Variants in HYDIN observed in about 807,000 individuals in gnomAD.
HYDIN encodes HYDIN axonemal central pair apparatus protein.
Under a neutral mutation model 403.9 loss-of-function variants are expected in HYDIN, and 132 were observed. The ratio of observed to expected loss-of-function variants is 0.33; its 90% CI spans 0.28 to 0.38. The LOEUF (loss-of-function observed/expected upper bound fraction) is 0.38. Among genes scored for constraint, HYDIN ranks in the 10% least tolerant of loss-of-function variants. The pLI is 1.00. For missense variants in HYDIN, 2,827 were observed against 5,009.5 expected (o/e 0.56, Z 13.15); for synonymous variants, 1,202 against 1,891.7 (o/e 0.64, Z 9.46).
intron 47 of HYDIN, among the ~76,000 whole-genome samples, chr16:70,909,688 C>CTTTTTT: frequency 1.5e-5 from 1 of 64,776 alleles, no homozygotes; most frequent in Non-Finnish European, 2.9e-5. Context: ...TCAGGCATGT[C>CTTTTTT]TTTTTTTTTT....
chr16:71,112,751 G>A (rs1355364004), intron 10 of HYDIN, among the ~76,000 whole-genome samples: 1 of 152,004 alleles, frequency 6.6e-6, no homozygotes, highest in Non-Finnish European at 1.5e-5. Flanking sequence ...TAATGATTAT[G>A]TAAAAATGGA....
intron 1 of HYDIN, among the ~76,000 whole-genome samples, chr16:71,194,215 A>C (rs985974257): frequency 7.2e-5 from 11 of 152,166 alleles, no homozygotes; most frequent in Non-Finnish European, 1.3e-4. Context: ...GATCGAGACC[A>C]TTGTGGCAAA....
At chr16:71,134,656 G>A (rs1425523170) in intron 8 of HYDIN, among the ~76,000 whole-genome samples, 1 of 152,106 alleles carries the variant, frequency 6.6e-6, no homozygotes, top group Non-Finnish European at 1.5e-5. Flanking sequence ...CTCACAGAAA[G>A]AGCACCACTG....
intron 12 of HYDIN, among the ~76,000 whole-genome samples, chr16:71,082,904 T>C (rs61059314): frequency 6.6e-6 from 1 of 151,066 alleles, no homozygotes; most frequent in Non-Finnish European, 1.5e-5. Flanking sequence ...CAAATCAATG[T>C]TTTTTGTATA....
chr16:71,028,630 T>G (rs1164990663), intron 19 of HYDIN, among the ~76,000 whole-genome samples: 1 of 151,944 alleles, frequency 6.6e-6, no homozygotes, highest in Admixed American at 6.6e-5. Context: ...ATCTCGGGAC[T>G]GTTTTTTATT....
chr16:71,191,707 C>A (rs756854030), intron 1 of HYDIN, among the ~76,000 whole-genome samples: 14 of 152,088 alleles, frequency 9.2e-5, no homozygotes, highest in Non-Finnish European at 1.5e-4. Flanking sequence ...TCTCTTCCTG[C>A]CATTCTAGAG....
At chr16:70,990,895 C>A (rs2079328794) in intron 25 of HYDIN, among the ~76,000 whole-genome samples, 1 of 152,240 alleles carries the variant, frequency 6.6e-6, no homozygotes, top group African/African-American at 2.4e-5. Context: ...GATTGCATCA[C>A]ATCATGGACA....
intron 10 of HYDIN, among the ~76,000 whole-genome samples, chr16:71,094,260 C>T (rs2083204976): frequency 1.3e-5 from 2 of 151,304 alleles, no homozygotes; most frequent in South Asian, 2.1e-4. Context: ...AAAAACACAA[C>T]AGAACACTTC....
At chr16:70,888,118 T>C (rs1225548817) in intron 58 of HYDIN, among the ~76,000 whole-genome samples, 1 of 152,280 alleles carries the variant, frequency 6.6e-6, no homozygotes, top group Non-Finnish European at 1.5e-5. Context: ...TGCTGAGACA[T>C]ACTATTTTAA....
At chr16:71,188,491 G>C (rs2087263879) in intron 1 of HYDIN, among the ~76,000 whole-genome samples, 1 of 152,138 alleles carries the variant, frequency 6.6e-6, no homozygotes, top group Admixed American at 6.6e-5. Flanking sequence ...TTGATTTTAA[G>C]ACAGATTTTT....
chr16:71,198,850 G>A (rs2087840240), intron 1 of HYDIN, among the ~76,000 whole-genome samples: 1 of 152,154 alleles, frequency 6.6e-6, no homozygotes, highest in African/African-American at 2.4e-5. Context: ...TTGGTAATCG[G>A]TGCACAGTGA....
intron 1 of HYDIN, among the ~76,000 whole-genome samples, chr16:71,201,382 C>T (rs962251580): frequency 6.6e-6 from 1 of 152,092 alleles, no homozygotes; most frequent in Non-Finnish European, 1.5e-5. Flanking sequence ...AGAATAATTT[C>T]GCAGATATTT....
intron 1 of HYDIN, among the ~76,000 whole-genome samples, chr16:71,191,326 T>C (rs1277534424): frequency 1.3e-5 from 2 of 152,172 alleles, no homozygotes; most frequent in Non-Finnish European, 2.9e-5. Flanking sequence ...TAAAAGTTAT[T>C]ATCTGATATT....
At chr16:70,826,691 T>A (rs1477453479) in intron 83 of HYDIN, among the ~76,000 whole-genome samples, 1 of 143,256 alleles carries the variant, frequency 7.0e-6, no homozygotes, top group Non-Finnish European at 1.5e-5. Flanking sequence ...CACTGCTGGA[T>A]GCGTCTTGCC....
intron 39 of HYDIN, among the ~76,000 whole-genome samples, chr16:70,956,205 T>G (rs2078230103): frequency 6.6e-6 from 1 of 151,884 alleles, no homozygotes; most frequent in Non-Finnish European, 1.5e-5. Context: ...AACTTTTTAT[T>G]TTAAAGAATA....
At chr16:71,124,487 AG>A (rs2084375165) in intron 9 of HYDIN, among the ~76,000 whole-genome samples, 1 of 151,698 alleles carries the variant, frequency 6.6e-6, no homozygotes, top group Non-Finnish European at 1.5e-5. Context: ...CCTCTGAAAC[AG>A]GAACAATGCT....
rs564347917 is a variant in HYDIN at position 70,879,476 on chromosome 16, T to C, written c.10378A>G (p.Lys3460Glu). Residue 3460 changes from lysine to glutamate, a missense_variant, in exon 62 of 86, where the codon AAG becomes GAG. Lys to Glu is a moderately conservative substitution (Grantham distance 56). Transcript: ENST00000393567. Reference protein sequence around the residue: ...TLDGLPSTLAKSRGLVFDIAG... With the variant: ...TLDGLPSTLAESRGLVFDIAG... ...ATGTCAAACACGAGGCCTCGGCTCTTGGCCAGGGTGCTGTAGGGGACAGGA... is the reference window on the plus strand; with the variant it reads ...ATGTCAAACACGAGGCCTCGGCTCTCGGCCAGGGTGCTGTAGGGGACAGGA... 2 of 1,613,896 alleles carry C rather than the reference T, an allele frequency of 1.2e-6. No homozygotes were observed. Among genetic ancestry groups the C allele is most frequent in the Admixed American group, 3.3e-5 (2 of 60,020 alleles).
At chr16:71,058,518 C>T (rs1433931516) in intron 18 of HYDIN, among the ~76,000 whole-genome samples, 47 of 128,298 alleles carry the variant, frequency 3.7e-4, no homozygotes, top group Middle Eastern at 3.9e-3. Context: ...GGGTGCAGTG[C>T]ACCAGCATGG....
chr16:71,079,478 A>G (rs2082717114), intron 13 of HYDIN, among the ~76,000 whole-genome samples: 1 of 150,908 alleles, frequency 6.6e-6, no homozygotes, highest in Non-Finnish European at 1.5e-5. Flanking sequence ...GAATTTCTCA[A>G]CATTAGTTAC....
Sources: gnomAD v4.1 joint callset for allele counts (sites outside exome capture counted in the v4.1 genomes callset) on GRCh38, gnomAD v4.1.1 for gene constraint, MANE v1.5 for transcripts, NCBI Gene and HGNC (gene_info 2026-07-23, HGNC 2026-07-21) for gene names.